The following ZNF853 variants were observed in gnomAD, a reference collection of about 807,000 sequenced individuals.
ZNF853 encodes zinc finger protein 853.
ZNF853 carries 57 observed loss-of-function variants against 94.7 expected under a neutral mutation model. That is an observed-to-expected ratio of 0.60 (90% CI 0.49 to 0.75). The LOEUF (loss-of-function observed/expected upper bound fraction) is 0.75, where lower values mean the gene tolerates loss of function less well. Among genes scored for constraint, ZNF853 ranks in the 30% least tolerant of loss-of-function variants. The probability of loss-of-function intolerance (pLI) is 0.00; values close to 1 mark genes in which losing one functional copy is unlikely to be tolerated. For synonymous variants in ZNF853, 448 were observed against 406.3 expected (o/e 1.10, Z -1.23); for missense variants, 785 against 868.9 (o/e 0.90, Z 1.21).
In ZNF853 at chr7:6,622,395, G is replaced by A; in HGVS notation, c.1404G>A (p.Ala468=). ...VAIPGPAGSA[A]LTPARQRRRR... ...TCCCGGGCCCGGCAGGCAGCGCGGC[G>A]TTGACCCCTGCACGGCAGCGGCGGC... The change falls in exon 3 of 3, where the codon GCG becomes GCA. Residue 468 remains alanine (A), a synonymous_variant. Coordinates refer to ENST00000457543, the MANE Select transcript of ZNF853 (RefSeq NM_017560.3). 7.2e-7 allele frequency: 1 copy of A among 1,396,856 alleles called. No individual in the cohort carries two copies. The highest frequency in any genetic ancestry group is 9.2e-7 in the Non-Finnish European group (1 of 1,084,226). The allele number at this position is 1,396,856 out of a possible 1,614,324, so 86.5% of individuals were successfully genotyped here.
chr7:6,617,378 G>A, intron 2 of ZNF853, 71 bp downstream of exon 2: 1 of 1,252,258 alleles, frequency 8.0e-7, no homozygotes, highest in African/African-American at 1.6e-5. Context: ...GCTCAAGGGT[G>A]GCGGGCAGCC....
chr7:6,621,571 C>T lies in ZNF853; in HGVS notation c.580C>T (p.Leu194=), dbSNP rs1782606295. The T allele has an allele frequency of 6.4e-7, 1 of 1,551,494 alleles. No individual in the cohort carries two copies. Among genetic ancestry groups the T allele is most frequent in the South Asian group, 1.2e-5 (1 of 84,034 alleles). ...ACAGGTATTGCAGCAGCAGGAACAG[C>T]TACAGCAGCAAGTGCAAGAGCAACA... ...EQQVLQQQEQ[L]QQQVQEQQLL... is the part of the protein sequence containing the mutation. Residue 194 remains leucine, a synonymous_variant, in exon 3 of 3, where the codon CTA becomes TTA. Coordinates refer to ENST00000457543, the MANE Select transcript of ZNF853 (RefSeq NM_017560.3).
At chr7:6,617,337 G>A in intron 2 of ZNF853, 30 bp downstream of exon 2, 3 of 1,389,462 alleles carry the variant, frequency 2.2e-6, no homozygotes, top group Non-Finnish European at 2.8e-6. Flanking sequence ...CCTTGACAGA[G>A]CCTCATGCCT....
Position 6,621,253 on chromosome 7 carries a change from G to C in ZNF853, c.262G>C (p.Glu88Gln), listed in dbSNP as rs1782594126. ...IAEETRPGQR[E>Q]LQLQQLEQQP... ...TGAGGAAACCCGGCCGGGACAACGA[G>C]AGTTGCAACTGCAGCAGTTAGAACA... is the stretch of plus-strand genomic sequence containing the variant. The change falls in exon 3 of 3, where the codon GAG becomes CAG. Residue 88 changes from glutamate (E) to glutamine (Q), a missense_variant. Coordinates refer to ENST00000457543, the MANE Select transcript of ZNF853 (RefSeq NM_017560.3). The C allele has an allele frequency of 1.9e-6, 3 of 1,549,546 alleles. No homozygotes were observed. In the African/African-American group the frequency reaches 4.1e-5, roughly 21 times the overall value.
intron 2 of ZNF853, among the ~76,000 whole-genome samples, chr7:6,620,850 GCAA>G: frequency 6.6e-6 from 1 of 152,170 alleles, no homozygotes. Context: ...CTGAGCTCTG[GCAA>G]TCTGCCCACC....
Position 6,623,519 on chromosome 7 carries a change from C to T in ZNF853, c.*548C>T. 2.5e-6 allele frequency: 1 copy of T among 396,074 alleles called. No homozygotes were observed. Among genetic ancestry groups the T allele is most frequent in the East Asian group, 3.6e-5 (1 of 27,974 alleles). 24.5% of individuals were successfully genotyped at this position (396,074 alleles called of 1,614,324 possible). ...GAAAATACTTTCCAAGATGAAAATT[C>T]ATCAGGGTGGGTATAATTCTGATGA... On this transcript the variant is annotated 3_prime_UTR_variant, in exon 3 of 3. Coordinates refer to ENST00000457543, the MANE Select transcript of ZNF853 (RefSeq NM_017560.3).
intron 2 of ZNF853, among the ~76,000 whole-genome samples, chr7:6,620,176 A>T: frequency 1.1e-4 from 17 of 152,282 alleles, no homozygotes; most frequent in African/African-American, 3.9e-4. Flanking sequence ...TTAGGTTCTG[A>T]ACTGAGAACT....
At chr7:6,618,681 G>A in intron 2 of ZNF853, among the ~76,000 whole-genome samples, 1 of 152,178 alleles carries the variant, frequency 6.6e-6, no homozygotes, top group South Asian at 2.1e-4. Flanking sequence ...CTACACTCCA[G>A]CCTGGGTGAC....
In ZNF853 at chr7:6,622,250, G is replaced by A; in HGVS notation, c.1259G>A (p.Gly420Glu). Reference protein sequence around the residue: ...ELQLELVPAAGGGGAAVPGAP... With the variant: ...ELQLELVPAAEGGGAAVPGAP... The stretch of plus-strand genomic sequence containing the variant: ...CAGCTGGAACTGGTGCCAGCCGCAG[G>A]GGGCGGCGGAGCGGCGGTCCCGGGG... Residue 420 changes from glycine to glutamate, a missense_variant, in exon 3 of 3, where the codon GGG (glycine) becomes GAG (glutamate). Coordinates refer to ENST00000457543, the MANE Select transcript of ZNF853 (RefSeq NM_017560.3). 6.6e-7 allele frequency: 1 copy of A among 1,517,392 alleles called. No homozygotes were observed. The highest frequency in any genetic ancestry group is 8.8e-7 in the Non-Finnish European group (1 of 1,137,134). 94.0% of individuals were successfully genotyped at this position (1,517,392 alleles called of 1,614,324 possible).
intron 2 of ZNF853, among the ~76,000 whole-genome samples, chr7:6,619,517 G>A: frequency 6.6e-6 from 1 of 152,158 alleles, no homozygotes; most frequent in Non-Finnish European, 1.5e-5. Context: ...TGATCCATCT[G>A]CCTCGGCCTC....
chr7:6,622,271 C>T lies in ZNF853; in HGVS notation c.1280C>T (p.Pro427Leu), dbSNP rs1562570464. The T allele has an allele frequency of 4.0e-6, 6 of 1,505,118 alleles. No homozygotes were observed. Among genetic ancestry groups the T allele is most frequent in the East Asian group, 2.5e-5 (1 of 40,388 alleles). 93.2% of individuals were successfully genotyped at this position (1,505,118 alleles called of 1,614,324 possible). ...GCAGGGGGCGGCGGAGCGGCGGTCCCGGGGGCTCCGGCCGCGGTCGTGGTG... is the reference window on the plus strand; with the variant it reads ...GCAGGGGGCGGCGGAGCGGCGGTCCTGGGGGCTCCGGCCGCGGTCGTGGTG... ...PAAGGGGAAV[P>L]GAPAAVVVAP... Residue 427 changes from proline to leucine, a missense_variant, in exon 3 of 3, where the codon CCG becomes CTG. Physicochemically the swap from Pro to Leu is moderately conservative, Grantham distance 98. Transcript: ENST00000457543.
rs1782482943 is a variant in ZNF853 at position 6,615,666 on chromosome 7, C to T, written c.-509C>T. ...GCACTCCCGGGCGGGCGGGCGAGCC[C>T]AGGGGGACCCGGCCTTGCCGCGGCG... On this transcript the variant is annotated 5_prime_UTR_variant, in exon 1 of 3. Transcript: ENST00000457543. The surrounding 1 kb of genome is among the most constrained non-coding windows in gnomAD (Gnocchi z 8.5). 1 of 145,568 alleles carries T rather than the reference C, an allele frequency of 6.9e-6. No individual in the cohort carries two copies. Among genetic ancestry groups the T allele is most frequent in the Non-Finnish European group, 1.5e-5 (1 of 65,376 alleles). 9.0% of individuals were successfully genotyped at this position (145,568 alleles called of 1,614,324 possible).
At position 6,622,030 on chromosome 7, in the gene ZNF853, G is replaced by A. The variant is rs1309904560; in HGVS notation, c.1039G>A (p.Glu347Lys). The A allele has an allele frequency of 5.8e-6, 9 of 1,548,654 alleles. No homozygotes were observed. Among genetic ancestry groups the A allele is most frequent in the African/African-American group, 1.4e-5 (1 of 72,924 alleles). ...GCGGCAGGAGTTGGAGCGGCAGCAG[G>A]AGCTGGAACGGCAGCAGGAGCAGCG... Reference protein sequence around the residue: ...QQRQELERQQELERQQEQRQL... With the variant: ...QQRQELERQQKLERQQEQRQL... Residue 347 changes from glutamate (E) to lysine (K), a missense_variant, in exon 3 of 3, where the codon GAG becomes AAG. By Grantham distance (56) the Glu-to-Lys change is moderately conservative. Coordinates refer to ENST00000457543, the MANE Select transcript of ZNF853 (RefSeq NM_017560.3).
Position 6,621,972 on chromosome 7 carries a change from G to A in ZNF853, c.981G>A (p.Val327=), listed in dbSNP as rs1374228041. 3.2e-6 allele frequency: 5 copies of A among 1,550,784 alleles called. No individual in the cohort carries two copies. The highest frequency in any genetic ancestry group is 4.4e-6 in the Non-Finnish European group (5 of 1,147,034). Residue 327 remains valine, a synonymous_variant, in exon 3 of 3, where the codon GTG becomes GTA. Transcript: ENST00000457543. ...EEEVELELMP[V]DLGSEQELEQ... ...AGGTGGAGCTGGAGCTCATGCCGGT[G>A]GACCTGGGGTCAGAGCAGGAGCTGG...
Position 6,622,127 on chromosome 7 carries a change from T to C in ZNF853, c.1136T>C (p.Leu379Pro), listed in dbSNP as rs1391846677. The C allele has an allele frequency of 6.5e-7, 1 of 1,545,388 alleles. No individual in the cohort carries two copies. The highest frequency in any genetic ancestry group is 1.4e-5 in the African/African-American group (1 of 72,950). The change falls in exon 3 of 3, where the codon CTG becomes CCG. Residue 379 changes from leucine (L) to proline (P), a missense_variant. Physicochemically the swap from Leu to Pro is moderately conservative, Grantham distance 98. Coordinates refer to ENST00000457543, the MANE Select transcript of ZNF853 (RefSeq NM_017560.3). The part of the protein sequence containing the change: ...EQQLEQQQQQ[L>P]EQQEVQLELT... ...CAGCTGGAGCAGCAGCAGCAGCAGC[T>C]GGAGCAGCAGGAGGTGCAGCTGGAG...
At position 6,622,877 on chromosome 7, in the gene ZNF853, G is replaced by C. The variant is rs1408179176; in HGVS notation, c.1886G>C (p.Gly629Ala). Reference sequence around the variant, plus strand: ...GGCGCGGGCCGCTCCAGGGGCCTCGGCCTGCTGCGCGCCTCGCGGCCGGCG... The same window carrying C: ...GGCGCGGGCCGCTCCAGGGGCCTCGCCCTGCTGCGCGCCTCGCGGCCGGCG... ...LHGAGRSRGL[G>A]LLRASRPAAL... The change falls in exon 3 of 3, where the codon GGC becomes GCC. Residue 629 changes from glycine (G) to alanine (A), a missense_variant. Physicochemically the swap from Gly to Ala is moderately conservative, Grantham distance 60. Coordinates refer to ENST00000457543, the MANE Select transcript of ZNF853 (RefSeq NM_017560.3). 2 of 1,338,392 alleles carry C rather than the reference G, an allele frequency of 1.5e-6. No homozygotes were observed. The highest frequency in any genetic ancestry group is 1.9e-6 in the Non-Finnish European group (2 of 1,048,910). 82.9% of individuals were successfully genotyped at this position (1,338,392 alleles called of 1,614,324 possible).
chr7:6,621,820 C>A lies in ZNF853; in HGVS notation c.829C>A (p.Gln277Lys). The A allele has an allele frequency of 6.4e-7, 1 of 1,550,536 alleles. No individual in the cohort carries two copies. Among genetic ancestry groups the A allele is most frequent in the Non-Finnish European group, 8.7e-7 (1 of 1,146,716 alleles). ...ACAGCAGCAGGCACAGTTACAGCAGCAGCTACTGCTGCAGCAGCAGGAACA... is the reference window on the plus strand; with the variant it reads ...ACAGCAGCAGGCACAGTTACAGCAGAAGCTACTGCTGCAGCAGCAGGAACA... The part of the protein sequence containing the change: ...LEQQQAQLQQ[Q>K]LLLQQQEQLQ... The change falls in exon 3 of 3, where the codon CAG becomes AAG. Residue 277 changes from glutamine (Q) to lysine (K), a missense_variant. Gln to Lys is a moderately conservative substitution (Grantham distance 53). Coordinates refer to ENST00000457543, the MANE Select transcript of ZNF853 (RefSeq NM_017560.3).
chr7:6,617,010 C>T, intron 1 of ZNF853, among the ~76,000 whole-genome samples, 180 bp from the exon 2 acceptor site: 2 of 152,184 alleles, frequency 1.3e-5, no homozygotes, highest in South Asian at 2.1e-4. Flanking sequence ...CCTGAGCCTC[C>T]AGGCCGCCGG....
Position 6,622,081 on chromosome 7 carries a change from G to A in ZNF853, c.1090G>A (p.Glu364Lys), listed in dbSNP as rs1480720498. Residue 364 changes from glutamate (E) to lysine (K), a missense_variant, in exon 3 of 3, where the codon GAG (glutamate) becomes AAG (lysine). By Grantham distance (56) the Glu-to-Lys change is moderately conservative. Coordinates refer to ENST00000457543, the MANE Select transcript of ZNF853 (RefSeq NM_017560.3). Reference protein sequence around the residue: ...QRQLQLKLQEELQQLEQQLEQ... With the variant: ...QRQLQLKLQEKLQQLEQQLEQ... ...GCAGCTGCAGCTCAAACTGCAGGAG[G>A]AGCTGCAGCAGCTGGAGCAACAGCT... The A allele has an allele frequency of 4.5e-6, 7 of 1,545,724 alleles. No homozygotes were observed. The highest frequency in any genetic ancestry group is 5.2e-6 in the Non-Finnish European group (6 of 1,146,238).
Sources: gnomAD v4.1 joint callset for allele counts (sites outside exome capture counted in the v4.1 genomes callset) on GRCh38, gnomAD v4.1.1 for gene constraint, Gnocchi (gnomAD v3.1) non-coding constraint, MANE v1.5 for transcripts, NCBI Gene and HGNC (gene_info 2026-07-23, HGNC 2026-07-21) for gene names.